PLEKHM2: variants seen among roughly 807,000 people sequenced by gnomAD.
The protein encoded by PLEKHM2 is pleckstrin homology and RUN domain containing M2.
A neutral mutation model predicts 116.3 loss-of-function variants in PLEKHM2; 77 were observed. That is an observed-to-expected ratio of 0.66 (90% CI 0.55 to 0.80). PLEKHM2 has a LOEUF of 0.80. PLEKHM2 is among the 30% of genes least tolerant of loss of function. The pLI is 0.00. For synonymous variants in PLEKHM2, 562 were observed against 571.0 expected (o/e 0.98, Z 0.22); for missense variants, 1,183 against 1,354.9 (o/e 0.87, Z 1.99).
Position 15,684,622 on chromosome 1 carries a change from A to G in PLEKHM2, c.60+4A>G. 1.6e-6 allele frequency: 2 copies of G among 1,287,960 alleles called. No individual in the cohort carries two copies. Among genetic ancestry groups the G allele is most frequent in the Non-Finnish European group, 2.0e-6 (2 of 1,005,784 alleles). 79.8% of individuals were successfully genotyped at this position (1,287,960 alleles called of 1,614,324 possible). On this transcript the variant is annotated splice_donor_region_variant and intron_variant, in intron 1 of 19. Coordinates refer to ENST00000375799, the MANE Select transcript of PLEKHM2 (RefSeq NM_015164.4). The stretch of plus-strand genomic sequence containing the variant: ...CATCTCGCTGTCGGTGAAGAAGGTG[A>G]GCGCGGCCTCCCTCCCGGCCGGGGC...
chr1:15,730,519 G>A lies in PLEKHM2; in HGVS notation c.2209-13G>A, dbSNP rs753725638. 2.1e-5 allele frequency: 33 copies of A among 1,540,124 alleles called. No homozygotes were observed. The highest frequency in any genetic ancestry group is 4.8e-5 in the East Asian group (2 of 41,682). On this transcript the variant is annotated splice_polypyrimidine_tract_variant and intron_variant, in intron 14 of 19. Coordinates refer to ENST00000375799, the MANE Select transcript of PLEKHM2 (RefSeq NM_015164.4). The stretch of plus-strand genomic sequence containing the variant: ...CTTACTTGCTTTGTCCCCCGTGCCC[G>A]CCCCCGCATCAGGCATCTGCTGTCA...
chr1:15,723,798 G>A (rs1188368709), intron 7 of PLEKHM2, among the ~76,000 whole-genome samples: 3 of 149,838 alleles, frequency 2.0e-5, no homozygotes, highest in South Asian at 2.1e-4. Flanking sequence ...GCAGACAGCT[G>A]CCCTGTGGCT....
chr1:15,732,655 T>C lies in PLEKHM2; in HGVS notation c.2849T>C (p.Ile950Thr), dbSNP rs772201190. 1.6e-5 allele frequency: 26 copies of C among 1,609,882 alleles called. 1 individual carries two copies. The South Asian group carries it at 2.7e-4, about 16-fold the overall frequency. Reference sequence around the variant, plus strand: ...CAGCAGCTCCTCCCGCCCTGGGTCATCTACCTGAGCTGCACTTCTGAACTG... The same window carrying C: ...CAGCAGCTCCTCCCGCCCTGGGTCACCTACCTGAGCTGCACTTCTGAACTG... Reference protein sequence around the residue: ...DSQQLLPPWVIYLSCTSELDR... With the variant: ...DSQQLLPPWVTYLSCTSELDR... The change falls in exon 19 of 20, where the codon ATC becomes ACC. Residue 950 changes from isoleucine to threonine, a missense_variant. Ile to Thr is a moderately conservative substitution (Grantham distance 89). Coordinates refer to ENST00000375799, the MANE Select transcript of PLEKHM2 (RefSeq NM_015164.4).
At chr1:15,733,750 TGTGGCCCTCA>T in intron 19 of PLEKHM2, 37 bp from the exon 20 acceptor site, 5 of 1,596,866 alleles carry the variant, frequency 3.1e-6, no homozygotes, top group East Asian at 2.2e-5. Flanking sequence ...TGAAGACTCC[TGTGGCCCTCA>T]GTGGCCCTCA....
rs537769954 is a variant in PLEKHM2 at position 15,706,595 on chromosome 1, C to T, written c.61-9642C>T. On this transcript the variant is annotated intron_variant, in intron 1 of 19. Transcript: ENST00000375799. ...TAATTTTTTGTATTTTAAATAGAGA[C>T]GGGGTTTCACCACGTTGGTCAGGCT... is the stretch of plus-strand genomic sequence containing the variant. Among the ~76,000 whole-genome samples the T allele has an allele frequency of 1.0e-3, 157 of 152,094 alleles. 5 individuals carry two copies. In the South Asian group the frequency reaches 0.023, roughly 22 times the overall value.
At chr1:15,713,630 GTTTGTTT>G (rs962275761) in intron 1 of PLEKHM2, among the ~76,000 whole-genome samples, 36 of 150,718 alleles carry the variant, frequency 2.4e-4, no homozygotes, top group Non-Finnish European at 3.4e-4. Flanking sequence ...TTGTTTGTTT[GTTTGTTT>G]TTTGTTTTTT....
At chr1:15,690,061 T>G (rs1640858592) in intron 1 of PLEKHM2, among the ~76,000 whole-genome samples, 1 of 143,202 alleles carries the variant, frequency 7.0e-6, no homozygotes, top group East Asian at 2.0e-4. Context: ...CAGCCGAGGT[T>G]TTTTTTTTTT....
chr1:15,730,275 T>A (rs1430434030), intron 14 of PLEKHM2, among the ~76,000 whole-genome samples: 1 of 152,154 alleles, frequency 6.6e-6, no homozygotes, highest in Non-Finnish European at 1.5e-5. Context: ...ACCCCGTCTC[T>A]ACTAAAAATA....
In PLEKHM2 at chr1:15,729,950, C is replaced by T. The variant is rs2068116612; in HGVS notation, c.2208+21C>T. 1 of 1,599,796 alleles carries T rather than the reference C, an allele frequency of 6.3e-7. No homozygotes were observed. Among genetic ancestry groups the T allele is most frequent in the East Asian group, 2.2e-5 (1 of 44,620 alleles). ...GTGAGGTAAGAACCTGGGGAGGAAG[C>T]TGAGTGCAGCCCCTGAGATGGCAGA... On this transcript the variant is annotated intron_variant, in intron 14 of 19. Transcript: ENST00000375799. This position sits in a 1 kb window ranked among gnomAD's most constrained non-coding sequence, Gnocchi z 4.7.
At chr1:15,712,507 G>T (rs186663914) in intron 1 of PLEKHM2, among the ~76,000 whole-genome samples, 22 of 152,242 alleles carry the variant, frequency 1.4e-4, no homozygotes, top group African/African-American at 5.1e-4. Context: ...GCAATATTAT[G>T]TGCTATGTCC....
chr1:15,720,006 G>C, intron 6 of PLEKHM2, 86 bp downstream of exon 6: 1 of 1,153,164 alleles, frequency 8.7e-7, no homozygotes, highest in Non-Finnish European at 1.2e-6. Flanking sequence ...TGTCTTCCTT[G>C]GCTAGTTTTG....
upstream of PLEKHM2, among the ~76,000 whole-genome samples, chr1:15,682,409 C>G (rs1409501543): frequency 6.6e-6 from 1 of 150,572 alleles, no homozygotes; most frequent in African/African-American, 2.4e-5. Flanking sequence ...TGAAATTGTG[C>G]CACCGCACTC....
intron 1 of PLEKHM2, among the ~76,000 whole-genome samples, chr1:15,691,722 G>A (rs1640891695): frequency 6.6e-6 from 1 of 152,228 alleles, no homozygotes; most frequent in African/African-American, 2.4e-5. Context: ...TGTCTGTGCA[G>A]TTGAAAAGGC....
At chr1:15,699,401 T>G (rs1641066205) in intron 1 of PLEKHM2, among the ~76,000 whole-genome samples, 1 of 152,156 alleles carries the variant, frequency 6.6e-6, no homozygotes, top group Non-Finnish European at 1.5e-5. Context: ...GTCCAAGTGT[T>G]CTCATTGTTC....
At position 15,718,312 on chromosome 1, in the gene PLEKHM2, C is replaced by G. The variant is rs34822617; in HGVS notation, c.378-226C>G. 0.22 allele frequency among the ~76,000 whole-genome samples: 33,779 copies of G among 152,212 alleles called. 4,268 individuals carry two copies. The highest frequency in any genetic ancestry group is 0.33 in the African/African-American group (13,873 of 41,524). ...AGCAGCTGCTGAGAGCCTGACAAGC[C>G]TTGTGCTCGTCCATCTCTGAAGACA... On this transcript the variant is annotated intron_variant, in intron 4 of 19. Transcript: ENST00000375799.
rs1353635536 is a variant in PLEKHM2 at position 15,732,339 on chromosome 1, C to T, written c.2626-11C>T. ...AGGCCCCAGCCTGCCTCTCCCCTGCCCCGCTGCCAGGTCATCCCCCAGGGC... is the reference window on the plus strand; with the variant it reads ...AGGCCCCAGCCTGCCTCTCCCCTGCTCCGCTGCCAGGTCATCCCCCAGGGC... On this transcript the variant is annotated splice_polypyrimidine_tract_variant and intron_variant, in intron 17 of 19. Transcript: ENST00000375799. The T allele has an allele frequency of 1.3e-6, 2 of 1,548,072 alleles. No individual in the cohort carries two copies. The highest frequency in any genetic ancestry group is 1.7e-6 in the Non-Finnish European group (2 of 1,145,394).
intron 1 of PLEKHM2, 82 bp downstream of exon 1, chr1:15,684,700 G>GGACTCGGC (rs2148323937): frequency 1.4e-6 from 1 of 734,546 alleles, no homozygotes; most frequent in African/African-American, 2.0e-5. Context: ...CCGGGCCGGG[G>GGACTCGGC]CCCCCCGCCC....
At chr1:15,693,267 C>T (rs943282524) in intron 1 of PLEKHM2, among the ~76,000 whole-genome samples, 14 of 152,308 alleles carry the variant, frequency 9.2e-5, no homozygotes, top group African/African-American at 3.4e-4. Flanking sequence ...TCTTGAACTC[C>T]TGGTCTCAAG....
chr1:15,711,975 G>C (rs570667522), intron 1 of PLEKHM2, among the ~76,000 whole-genome samples: 1 of 151,842 alleles, frequency 6.6e-6, no homozygotes, highest in South Asian at 2.1e-4. Flanking sequence ...AAAATTAGCC[G>C]GGCACGGTGG....
Sources: gnomAD v4.1 joint callset for allele counts (sites outside exome capture counted in the v4.1 genomes callset) on GRCh38, gnomAD v4.1.1 for gene constraint, Gnocchi (gnomAD v3.1) non-coding constraint, MANE v1.5 for transcripts, NCBI Gene and HGNC (gene_info 2026-07-23, HGNC 2026-07-21) for gene names.